Variants in CPPED1 observed in about 807,000 individuals in gnomAD.
CPPED1 encodes calcineurin like phosphoesterase domain containing 1, also known as serine/threonine-protein phosphatase CPPED1.
Under a neutral mutation model 28.0 loss-of-function variants are expected in CPPED1, and 28 were observed. That is an observed-to-expected ratio of 1.00 (90% CI 0.74 to 1.37). CPPED1 has a LOEUF of 1.37. Ranked by LOEUF, CPPED1 falls within the 40% of genes most tolerant of loss-of-function variation. The pLI is 0.00. For missense variants in CPPED1, 504 were observed against 416.5 expected, an observed-to-expected ratio of 1.21 and a Z score of -1.83; for synonymous variants, 198 against 180.2, an observed-to-expected ratio of 1.10 and a Z score of -0.79.
intron 2 of CPPED1, among the ~76,000 whole-genome samples, chr16:12,756,586 C>A (rs994254530): frequency 6.6e-6 from 1 of 152,012 alleles, no homozygotes; most frequent in Non-Finnish European, 1.5e-5. Flanking sequence ...GCACACCTGT[C>A]ATCCCAGTTA....
chr16:12,733,594 G>A (rs756233875), intron 2 of CPPED1, among the ~76,000 whole-genome samples: 92 of 152,026 alleles, frequency 6.1e-4, no homozygotes, highest in Non-Finnish European at 1.1e-3. Context: ...AGGATTTAAC[G>A]ACACTGGAAA....
intron 3 of CPPED1, among the ~76,000 whole-genome samples, chr16:12,685,932 T>A (rs2079930395): frequency 1.3e-5 from 2 of 152,178 alleles, no homozygotes; most frequent in Non-Finnish European, 1.5e-5. Flanking sequence ...CAGAATTGCA[T>A]CAGCCAGCTG....
chr16:12,701,389 C>A (rs184266177), intron 3 of CPPED1, among the ~76,000 whole-genome samples: 1 of 152,206 alleles, frequency 6.6e-6, no homozygotes, highest in East Asian at 1.9e-4. Context: ...CAAAAATTAG[C>A]CAGGCATGGT....
In CPPED1 at chr16:12,665,126, G is replaced by C; in HGVS notation, c.716-11C>G. 1 of 1,587,214 alleles carries C rather than the reference G, an allele frequency of 6.3e-7. No individual in the cohort carries two copies. The highest frequency in any genetic ancestry group is 1.2e-5 in the South Asian group (1 of 85,714). On this transcript the variant is annotated splice_polypyrimidine_tract_variant and intron_variant, in intron 3 of 3. Transcript: ENST00000381774. ...ACACGACTTTGACACCTGCAGAGAA[G>C]GGAAAAAGTCATTAGGGGGCCGAGG... is the stretch of plus-strand genomic sequence containing the variant.
intron 1 of CPPED1, among the ~76,000 whole-genome samples, chr16:12,797,503 G>A (rs150642265): frequency 1.9e-3 from 285 of 151,870 alleles, no homozygotes; most frequent in Non-Finnish European, 2.9e-3. Context: ...TGCAGTGGGC[G>A]GAGATCATGC....
At chr16:12,757,346 T>G (rs2080377184) in intron 2 of CPPED1, 1 of 151,968 alleles carries the variant, frequency 6.6e-6, no homozygotes. Flanking sequence ...TACTACAAAT[T>G]TGAAGGGCCC....
At chr16:12,726,672 G>T (rs1315307287) in intron 2 of CPPED1, among the ~76,000 whole-genome samples, 1 of 151,980 alleles carries the variant, frequency 6.6e-6, no homozygotes, top group Non-Finnish European at 1.5e-5. Flanking sequence ...AGCCAGGTGT[G>T]GTGGGGCATG....
intron 2 of CPPED1, among the ~76,000 whole-genome samples, chr16:12,722,359 G>A (rs749748008): frequency 2.0e-5 from 3 of 152,236 alleles, no homozygotes; most frequent in Non-Finnish European, 2.9e-5. Context: ...TTCTCCAGCT[G>A]AGGCAGGCTG....
intron 2 of CPPED1, among the ~76,000 whole-genome samples, chr16:12,723,652 A>G (rs1157410483): frequency 6.6e-6 from 1 of 152,076 alleles, no homozygotes; most frequent in Non-Finnish European, 1.5e-5. Flanking sequence ...TATACCCCCA[A>G]TCCTGTGGTC....
At chr16:12,785,528 A>G (rs2080557596) in intron 1 of CPPED1, among the ~76,000 whole-genome samples, 1 of 151,792 alleles carries the variant, frequency 6.6e-6, no homozygotes, top group Non-Finnish European at 1.5e-5. Flanking sequence ...CCCAAGCTCA[A>G]GTGATTCTCA....
intron 3 of CPPED1, among the ~76,000 whole-genome samples, chr16:12,673,462 G>A (rs952547382): frequency 3.3e-5 from 5 of 152,240 alleles, no homozygotes; most frequent in African/African-American, 1.2e-4. Flanking sequence ...AATTTTGAAA[G>A]AAGCTTGCAT....
rs3748983 is a variant in CPPED1 at position 12,664,402 on chromosome 16, G to C, written c.*484C>G. ...CTCACAACAAGGGAGACAGCTGTTC[G>C]TTCCGCTGGAAAGGAAAGGAGATGA... On this transcript the variant is annotated 3_prime_UTR_variant, in exon 4 of 4. Coordinates refer to ENST00000381774, the MANE Select transcript of CPPED1 (RefSeq NM_018340.3). This position sits in a 1 kb window ranked among gnomAD's most constrained non-coding sequence, Gnocchi z 4.2. 3 of 1,006,150 alleles carry C rather than the reference G, an allele frequency of 3.0e-6. No homozygotes were observed. Among genetic ancestry groups the C allele is most frequent in the Non-Finnish European group, 3.6e-6 (3 of 844,322 alleles). 62.3% of individuals were successfully genotyped at this position (1,006,150 alleles called of 1,614,324 possible).
chr16:12,684,742 C>T (rs2079923930), intron 3 of CPPED1, among the ~76,000 whole-genome samples: 1 of 152,186 alleles, frequency 6.6e-6, no homozygotes, highest in African/African-American at 2.4e-5. Context: ...TCCTTAAGGG[C>T]AGAGGCCACG....
rs1484332562 is a variant in CPPED1, at chr16:12,694,782, C to T, written c.715+9842G>A. Among the ~76,000 whole-genome samples, 235 of 147,710 alleles carry T rather than the reference C, an allele frequency of 1.6e-3. 2 individuals carry two copies. Among genetic ancestry groups the T allele is most frequent in the African/African-American group, 5.4e-3 (219 of 40,306 alleles). On this transcript the variant is annotated intron_variant, in intron 3 of 3. Coordinates refer to ENST00000381774, the MANE Select transcript of CPPED1 (RefSeq NM_018340.3). ...TGAGATAGTTTTTTAAAAACCCCCC[C>T]CTTTTTTTTTTTGAGATGGAGTTTT... is the stretch of plus-strand genomic sequence containing the variant.
chr16:12,731,535 C>A (rs1438671420), intron 2 of CPPED1, among the ~76,000 whole-genome samples: 2 of 151,862 alleles, frequency 1.3e-5, no homozygotes, highest in Non-Finnish European at 2.9e-5. Flanking sequence ...ACACTTAGAG[C>A]GAAAGAAGCC....
intron 2 of CPPED1, among the ~76,000 whole-genome samples, chr16:12,738,094 A>G (rs1182529886): frequency 6.6e-6 from 1 of 152,130 alleles, no homozygotes; most frequent in Non-Finnish European, 1.5e-5. Flanking sequence ...AATGTTAAGA[A>G]TTCATGTATC....
chr16:12,785,170 A>G (rs2080555326), intron 1 of CPPED1, among the ~76,000 whole-genome samples: 3 of 152,246 alleles, frequency 2.0e-5, no homozygotes, highest in Admixed American at 6.5e-5. Flanking sequence ...GCTTAATTCT[A>G]GAAGGAGGAA....
At chr16:12,693,942 G>A (rs924938370) in intron 3 of CPPED1, among the ~76,000 whole-genome samples, 2 of 152,300 alleles carry the variant, frequency 1.3e-5, no homozygotes, top group African/African-American at 2.4e-5. Context: ...GTTGGCTCAT[G>A]CCTGTAATCC....
At position 12,704,810 on chromosome 16, in the gene CPPED1, G is replaced by T. The variant is rs761452207; in HGVS notation, c.529C>A (p.Leu177Met). The change falls in exon 3 of 4, where the codon CTG (leucine) becomes ATG (methionine). Residue 177 changes from leucine (L) to methionine (M), a missense_variant. Physicochemically the swap from Leu to Met is conservative, Grantham distance 15. Coordinates refer to ENST00000381774, the MANE Select transcript of CPPED1 (RefSeq NM_018340.3). ...FYENPSKCPS[L>M]KQAQDQWLDE... is the part of the protein sequence containing the mutation. ...AGCCACTGGTCCTGAGCCTGCTTCA[G>T]GCTGGGGCATTTGGAGGGGTTCTCG... 9 of 1,614,114 alleles carry T rather than the reference G, an allele frequency of 5.6e-6. No individual in the cohort carries two copies. Among genetic ancestry groups the T allele is most frequent in the Middle Eastern group, 1.6e-4 (1 of 6,084 alleles).
Sources: allele counts gnomAD v4.1 joint callset (sites outside exome capture counted in the v4.1 genomes callset), GRCh38; gene constraint gnomAD v4.1.1; non-coding constraint Gnocchi (gnomAD v3.1); transcripts MANE v1.5; gene names NCBI Gene and HGNC (gene_info 2026-07-23, HGNC 2026-07-21).